The following DMD variants were observed in gnomAD, a reference collection of about 807,000 sequenced individuals.
DMD encodes dystrophin, also known as mutant dystrophin.
A neutral mutation model predicts 330.1 loss-of-function variants in DMD; 63 were observed. That is an observed-to-expected ratio of 0.19 (90% CI 0.16 to 0.24). The LOEUF is 0.24. DMD is among the 10% of genes least tolerant of loss of function. DMD has a pLI of 1.00. For missense variants in DMD, 3,344 were observed against 2,684.1 expected (o/e 1.25, Z -5.43); for synonymous variants, 1,223 against 959.8 (o/e 1.27, Z -5.07).
In DMD at chrX:32,386,478, A is replaced by G. The variant is rs780606214; in HGVS notation, c.4519-13T>C. 8.5e-7 allele frequency: 1 copy of G among 1,172,258 alleles called. No individual in the cohort carries two copies. The highest frequency in any genetic ancestry group is 1.2e-6 in the Non-Finnish European group (1 of 861,350). On this transcript the variant is annotated splice_polypyrimidine_tract_variant and intron_variant, in intron 32 of 78. Coordinates refer to ENST00000357033, the MANE Select transcript of DMD (RefSeq NM_004006.3). Reference sequence around the variant, plus strand: ...TTTTATACAAGTTCTAAGTTTAAACATAAAACAAAACATGATAATCAGTAG... The same window carrying G: ...TTTTATACAAGTTCTAAGTTTAAACGTAAAACAAAACATGATAATCAGTAG...
chrX:31,716,040 A>G (rs2085019660), intron 52 of DMD, among the ~76,000 whole-genome samples: 1 of 112,108 alleles, frequency 8.9e-6, no homozygotes, highest in African/African-American at 3.2e-5. Context: ...ATAAAGGAGT[A>G]ACCGTTTGAT....
intron 1 of DMD, among the ~76,000 whole-genome samples, chrX:33,254,793 A>G (rs921102601): frequency 9.0e-6 from 1 of 110,510 alleles, no homozygotes; most frequent in African/African-American, 3.3e-5. Context: ...TTTTGATTTC[A>G]TGAGTTAAAT....
intron 54 of DMD, among the ~76,000 whole-genome samples, chrX:31,634,911 C>T (rs1314640983): frequency 3.6e-5 from 4 of 111,529 alleles, no homozygotes; most frequent in Non-Finnish European, 5.7e-5. Context: ...ATGAAATACA[C>T]GTCTCTATAC....
chrX:31,520,855 A>G (rs1254609579), intron 55 of DMD, among the ~76,000 whole-genome samples: 2 of 108,959 alleles, frequency 1.8e-5, no homozygotes, highest in African/African-American at 6.7e-5. Flanking sequence ...AATTTTTTGT[A>G]TTTTAAGTAG....
intron 52 of DMD, among the ~76,000 whole-genome samples, chrX:31,683,144 T>C (rs1251110697): frequency 8.9e-6 from 1 of 111,928 alleles, no homozygotes; most frequent in Non-Finnish European, 1.9e-5. Flanking sequence ...CTGTACATTA[T>C]CATAATTTAT....
intron 67 of DMD, among the ~76,000 whole-genome samples, chrX:31,183,996 C>T (rs370123562): frequency 1.8e-5 from 2 of 109,682 alleles, no homozygotes; most frequent in Non-Finnish European, 3.8e-5. Context: ...GCAATCTCCG[C>T]CTCCTGGGTT....
intron 51 of DMD, among the ~76,000 whole-genome samples, chrX:31,753,655 ATTCT>A (rs1317889685): frequency 8.9e-6 from 1 of 111,947 alleles, no homozygotes; most frequent in Non-Finnish European, 1.9e-5. Flanking sequence ...TATATGCTTT[ATTCT>A]TTCTGATGAT....
At chrX:33,336,009 C>G (rs1217121681) in intron 1 of DMD, among the ~76,000 whole-genome samples, 1 of 111,252 alleles carries the variant, frequency 9.0e-6, no homozygotes, top group Non-Finnish European at 1.9e-5. Context: ...CATATATTAT[C>G]TTTGCACTCT....
chrX:31,449,795 T>TATATAGATAG (rs1556643941), intron 59 of DMD, among the ~76,000 whole-genome samples: 15 of 81,281 alleles, frequency 1.8e-4, no homozygotes, highest in South Asian at 6.7e-4. Context: ...TATATATATA[T>TATATAGATAG]ATAGATAGAT....
intron 7 of DMD, among the ~76,000 whole-genome samples, chrX:32,742,313 A>G (rs914563803): frequency 1.8e-5 from 2 of 112,203 alleles, no homozygotes; most frequent in African/African-American, 6.5e-5. Context: ...TTTATTAAAT[A>G]TTCTTCGTGC....
chrX:32,989,378 T>C (rs1367426557), intron 2 of DMD, among the ~76,000 whole-genome samples: 1 of 112,074 alleles, frequency 8.9e-6, no homozygotes, highest in African/African-American at 3.2e-5. Context: ...GCAACTTAAA[T>C]GACTGCTCTG....
intron 44 of DMD, among the ~76,000 whole-genome samples, chrX:32,149,567 T>C (rs1250358375): frequency 9.0e-6 from 1 of 111,579 alleles, no homozygotes. Flanking sequence ...ATAAATATAA[T>C]ATGCCATAAA....
intron 55 of DMD, among the ~76,000 whole-genome samples, chrX:31,559,624 G>C (rs1203978822): frequency 4.4e-5 from 2 of 45,181 alleles, no homozygotes; most frequent in Non-Finnish European, 7.1e-5. Flanking sequence ...CTGGGCGACA[G>C]AGCGAAACTC....
chrX:33,293,494 G>C (rs1401461052), intron 1 of DMD, among the ~76,000 whole-genome samples: 1 of 111,479 alleles, frequency 9.0e-6, no homozygotes, highest in Non-Finnish European at 1.9e-5. Context: ...CCAAGTAACA[G>C]TGAGAAATAA....
intron 60 of DMD, among the ~76,000 whole-genome samples, chrX:31,403,560 A>G (rs1276555888): frequency 8.9e-6 from 1 of 112,120 alleles, no homozygotes. Context: ...GTGGATATAA[A>G]TGCTGTGCTC....
At chrX:32,908,237 T>A (rs954739946) in intron 2 of DMD, among the ~76,000 whole-genome samples, 4 of 111,750 alleles carry the variant, frequency 3.6e-5, no homozygotes, top group Admixed American at 1.9e-4. Context: ...AACGGTATTA[T>A]AATTTCTCAT....
intron 44 of DMD, among the ~76,000 whole-genome samples, chrX:31,993,840 G>A (rs749689349): frequency 1.8e-5 from 2 of 112,061 alleles, no homozygotes; most frequent in Admixed American, 1.9e-4. Context: ...TTAAACAAAA[G>A]TTATGTAAAT....
intron 12 of DMD, among the ~76,000 whole-genome samples, 169 bp downstream of exon 12, chrX:32,614,134 C>A (rs768053785): frequency 1.8e-5 from 2 of 110,871 alleles, no homozygotes; most frequent in Non-Finnish European, 3.8e-5. Flanking sequence ...TTATTCAAGC[C>A]ATTGCAACAA....
intron 7 of DMD, among the ~76,000 whole-genome samples, chrX:32,791,704 T>TA (rs2075834781): frequency 8.9e-6 from 1 of 111,792 alleles, no homozygotes; most frequent in African/African-American, 3.2e-5. Flanking sequence ...CAAAAAATTT[T>TA]AAAAAAATGA....
Sources: gnomAD v4.1 joint callset for allele counts (sites outside exome capture counted in the v4.1 genomes callset) on GRCh38, gnomAD v4.1.1 for gene constraint, MANE v1.5 for transcripts, NCBI Gene and HGNC (gene_info 2026-07-23, HGNC 2026-07-21) for gene names.